Variants in MOCS1 observed in about 807,000 individuals in gnomAD.
MOCS1 encodes molybdenum cofactor synthesis 1.
In MOCS1, 39 loss-of-function variants were observed where a neutral mutation model predicts 57.6. The observed-to-expected ratio is 0.68, with a 90% CI of 0.52 to 0.88. The LOEUF (loss-of-function observed/expected upper bound fraction) is 0.88, where lower values mean the gene tolerates loss of function less well. Among genes scored for constraint, MOCS1 ranks in the 40% least tolerant of loss-of-function variants. The pLI, the probability that MOCS1 is intolerant of heterozygous loss-of-function variation, is 0.00. For missense variants in MOCS1, 795 were observed against 831.1 expected, an observed-to-expected ratio of 0.96 and a Z score of 0.53; for synonymous variants, 334 against 335.7, an observed-to-expected ratio of 1.00 and a Z score of 0.05.
At chr6:39,928,330 A>G (rs1390700634) in intron 1 of MOCS1, among the ~76,000 whole-genome samples, 1 of 152,062 alleles carries the variant, frequency 6.6e-6, no homozygotes, top group Non-Finnish European at 1.5e-5. Flanking sequence ...GCACCCGGCT[A>G]ATTTTTTGTA....
At chr6:39,922,329 C>A (rs1379240582) in intron 3 of MOCS1, among the ~76,000 whole-genome samples, 1 of 152,186 alleles carries the variant, frequency 6.6e-6, no homozygotes, top group East Asian at 1.9e-4. Context: ...AACCTGTGCC[C>A]TAGGGGCTGC....
At chr6:39,924,331 T>C (rs1258371873) in intron 3 of MOCS1, among the ~76,000 whole-genome samples, 1 of 152,218 alleles carries the variant, frequency 6.6e-6, no homozygotes, top group East Asian at 1.9e-4. Context: ...TCTCCATTCA[T>C]TCAGCGAATT....
In MOCS1 at chr6:39,905,447, AT is replaced by A. The variant is rs1766821757; in HGVS notation, c.*909del. On this transcript the variant is annotated 3_prime_UTR_variant, in exon 11 of 11. Transcript: ENST00000340692. ...GTCTTGGGATAGGATTGATTGATTG[AT>A]TGATAGGTGCAGCCTTCCCTGTGAA... The A allele has an allele frequency of 2.1e-6, 1 of 470,916 alleles. No homozygotes were observed. The highest frequency in any genetic ancestry group is 1.5e-5 in the South Asian group (1 of 64,570). The allele number at this position is 470,916 out of a possible 1,614,324, so 29.2% of individuals were successfully genotyped here. A position where few individuals can be genotyped will look rare whatever the true frequency, so the allele number is the denominator to read the frequency against.
chr6:39,933,663 G>A (rs564859071), intron 1 of MOCS1, among the ~76,000 whole-genome samples: 149 of 152,282 alleles, frequency 9.8e-4, no homozygotes, highest in Non-Finnish European at 1.9e-3. Context: ...TGCTGGCAAG[G>A]ACTGAGGGAT....
rs745373932 is a variant in MOCS1 at position 39,925,723 on chromosome 6, T to C, written c.373A>G (p.Thr125Ala). Residue 125 changes from threonine to alanine, a missense_variant, in exon 3 of 11, where the codon ACA becomes GCA. By Grantham distance (58) the Thr-to-Ala change is moderately conservative (BLOSUM62 0). Coordinates refer to ENST00000340692, the MANE Select transcript of MOCS1 (RefSeq NM_001358530.2). ...GGCCGGATAAGCGGCTCTCCACCTG[T>C]GAGCCGGATCTTGTCGATGCCTTCC... is the stretch of plus-strand genomic sequence containing the variant. ...VKEGIDKIRL[T>A]GGEPLIRPDV... 6.2e-7 allele frequency: 1 copy of C among 1,612,816 alleles called. No individual in the cohort carries two copies. Among genetic ancestry groups the C allele is most frequent in the East Asian group, 2.2e-5 (1 of 44,878 alleles).
intron 8 of MOCS1, among the ~76,000 whole-genome samples, chr6:39,910,355 G>T (rs1767250295): frequency 6.6e-6 from 1 of 152,102 alleles, no homozygotes; most frequent in African/African-American, 2.4e-5. Flanking sequence ...TCCTACCCCT[G>T]TTGTGGCACA....
chr6:39,908,485 A>G (rs1201402470), intron 10 of MOCS1, among the ~76,000 whole-genome samples: 1 of 152,176 alleles, frequency 6.6e-6, no homozygotes, highest in African/African-American at 2.4e-5. Context: ...ACACACGATG[A>G]TACATCCTAT....
intron 2 of MOCS1, among the ~76,000 whole-genome samples, chr6:39,926,364 AC>A (rs1388130466): frequency 6.6e-6 from 1 of 151,892 alleles, no homozygotes; most frequent in African/African-American, 2.4e-5. Flanking sequence ...TTATCATCAG[AC>A]CCATTTTATA....
chr6:39,912,134 C>T (rs1351955486), intron 8 of MOCS1, 130 bp downstream of exon 8: 2 of 762,380 alleles, frequency 2.6e-6, no homozygotes, highest in East Asian at 2.5e-5. Context: ...CCAAACCTGA[C>T]ATTATTGCAC....
chr6:39,911,293 C>G (rs1322362144), intron 8 of MOCS1, among the ~76,000 whole-genome samples: 4 of 152,142 alleles, frequency 2.6e-5, no homozygotes, highest in Admixed American at 1.3e-4. Context: ...CTGCATGCAT[C>G]TAAACCCAAC....
chr6:39,925,571 G>A, intron 3 of MOCS1, 107 bp downstream of exon 3: 1 of 1,281,268 alleles, frequency 7.8e-7, no homozygotes, highest in Non-Finnish European at 1.1e-6. Flanking sequence ...GACCAAGAGA[G>A]TGTCATGTGC....
chr6:39,922,846 C>A (rs1768051334), intron 3 of MOCS1, among the ~76,000 whole-genome samples: 1 of 152,170 alleles, frequency 6.6e-6, no homozygotes, highest in Non-Finnish European at 1.5e-5. Flanking sequence ...CCCTCAAAAC[C>A]CTCACGTGAG....
chr6:39,927,530 C>T (rs140973917), intron 1 of MOCS1, 75 bp from the exon 2 acceptor site: 15 of 1,611,000 alleles, frequency 9.3e-6, no homozygotes, highest in Non-Finnish European at 1.1e-5. Context: ...GAACCGCCTG[C>T]CCCCTCCCTT....
Position 39,913,397 on chromosome 6 carries a change from T to C in MOCS1, c.677A>G (p.Glu226Gly), listed in dbSNP as rs374808793. The C allele has an allele frequency of 2.5e-6, 4 of 1,614,222 alleles. No individual in the cohort carries two copies. The highest frequency in any genetic ancestry group is 3.4e-6 in the Non-Finnish European group (4 of 1,180,038). The change falls in exon 6 of 11, where the codon GAG becomes GGG. Residue 226 changes from glutamate (E) to glycine (G), a missense_variant. By Grantham distance (98) the Glu-to-Gly change is moderately conservative (BLOSUM62 -2). Coordinates refer to ENST00000340692, the MANE Select transcript of MOCS1 (RefSeq NM_001358530.2). ...GGCCGCAAAGTCCAGGAGTTCATCC[T>C]CGTTAAGGCCTCGCATCACCACACA... ...VNCVVMRGLNEDELLDFAALT... is the reference protein window; with the variant it reads ...VNCVVMRGLNGDELLDFAALT...
At position 39,909,781 on chromosome 6, in the gene MOCS1, C is replaced by T. The variant is rs562885536; in HGVS notation, c.1102+54G>A. On this transcript the variant is annotated intron_variant, in intron 9 of 10. Transcript: ENST00000340692. ...CACCCCACAACTCCACACCTCCCTC[C>T]CAGGGACAAGGCCCACTCACCATCC... is the stretch of plus-strand genomic sequence containing the variant. The T allele has an allele frequency of 1.4e-5, 23 of 1,606,348 alleles. No homozygotes were observed. In the South Asian group the frequency reaches 2.0e-4, roughly 14 times the overall value.
chr6:39,915,451 C>A (rs1387916583), intron 4 of MOCS1, among the ~76,000 whole-genome samples: 1 of 152,150 alleles, frequency 6.6e-6, no homozygotes, highest in Non-Finnish European at 1.5e-5. Flanking sequence ...ACCTGAAGAG[C>A]CTTTGCCCCA....
In MOCS1 at chr6:39,912,710, G is replaced by A. The variant is rs1767408420; in HGVS notation, c.870+182C>T. Reference sequence around the variant, plus strand: ...TGTTACTGAGCCCCCCACCCTAGCCGAGCCCACATCTTCATCCATGAAACA... The same window carrying A: ...TGTTACTGAGCCCCCCACCCTAGCCAAGCCCACATCTTCATCCATGAAACA... On this transcript the variant is annotated intron_variant, in intron 7 of 10. Transcript: ENST00000340692. 3.9e-5 allele frequency among the ~76,000 whole-genome samples: 6 copies of A among 152,110 alleles called. No individual in the cohort carries two copies. In the South Asian group the frequency reaches 6.2e-4, roughly 16 times the overall value.
rs1766930116 is a variant in MOCS1, at chr6:39,906,328, G to A, written c.*29C>T. ...TACATTGCATCCCAGCTCCAGGCCT[G>A]GGTGGGCCATGGGTGAGAAGGGCAG... On this transcript the variant is annotated 3_prime_UTR_variant, in exon 11 of 11. Transcript: ENST00000340692. 1.9e-6 allele frequency: 3 copies of A among 1,599,102 alleles called. No individual in the cohort carries two copies. The highest frequency in any genetic ancestry group is 1.3e-5 in the African/African-American group (1 of 74,672).
chr6:39,913,889 A>G, intron 4 of MOCS1, 54 bp from the exon 5 acceptor site: 1 of 1,554,764 alleles, frequency 6.4e-7, no homozygotes, highest in South Asian at 1.1e-5. Flanking sequence ...CTCTTCCCCC[A>G]CACCCCCACA....
Sources: gnomAD v4.1 joint callset for allele counts (sites outside exome capture counted in the v4.1 genomes callset) on GRCh38, gnomAD v4.1.1 for gene constraint, MANE v1.5 for transcripts, NCBI Gene and HGNC (gene_info 2026-07-23, HGNC 2026-07-21) for gene names.